Variants in SYT1 observed in about 807,000 individuals in gnomAD.
SYT1 encodes synaptotagmin 1, also known as synaptotagmin-1.
A neutral mutation model predicts 44.8 loss-of-function variants in SYT1; 8 were observed. The ratio of observed to expected loss-of-function variants is 0.18; its 90% CI spans 0.10 to 0.32. The LOEUF (loss-of-function observed/expected upper bound fraction) is 0.32. Among genes scored for constraint, SYT1 ranks in the 10% least tolerant of loss-of-function variants. SYT1 has a pLI of 1.00. For synonymous variants in SYT1, 154 were observed against 188.8 expected, an observed-to-expected ratio of 0.82 and a Z score of 1.51; for missense variants, 286 against 509.3, an observed-to-expected ratio of 0.56 and a Z score of 4.22.
intron 1 of SYT1, among the ~76,000 whole-genome samples, chr12:78,899,322 T>C (rs903945254): frequency 6.6e-6 from 1 of 151,882 alleles, no homozygotes; most frequent in Non-Finnish European, 1.5e-5. Flanking sequence ...AGTAAATAAG[T>C]ATGAAAATCT....
At chr12:79,448,878 A>C (rs1332177557) in intron 10 of SYT1, 40 bp from the exon 11 acceptor site, 45 of 1,592,278 alleles carry the variant, frequency 2.8e-5, no homozygotes, top group Admixed American at 5.0e-5. Context: ...CCTTATCTCT[A>C]GAGCTAGATG....
At chr12:79,274,903 C>T (rs1320324021) in intron 4 of SYT1, among the ~76,000 whole-genome samples, 1 of 152,222 alleles carries the variant, frequency 6.6e-6, no homozygotes, top group Non-Finnish European at 1.5e-5. Context: ...TAGAGAGATA[C>T]ATCACTTCCC....
At position 79,090,241 on chromosome 12, in the gene SYT1, A is replaced by G. The variant is rs1377947735; in HGVS notation, c.-18+42879A>G. Among the ~76,000 whole-genome samples the G allele has an allele frequency of 2.0e-5, 3 of 152,056 alleles. No individual in the cohort carries two copies. The Admixed American group carries it at 2.0e-4, about 10-fold the overall frequency. On this transcript the variant is annotated intron_variant, in intron 3 of 10. Coordinates refer to ENST00000261205, the MANE Select transcript of SYT1 (RefSeq NM_005639.3). ...AAAAAGTTTTTAAGATGTGGAGAATAGATCTCATTGTAAGTTGGTACAGCC... is the reference window on the plus strand; with the variant it reads ...AAAAAGTTTTTAAGATGTGGAGAATGGATCTCATTGTAAGTTGGTACAGCC...
At chr12:78,930,790 T>C (rs1460544795) in intron 1 of SYT1, among the ~76,000 whole-genome samples, 1 of 151,948 alleles carries the variant, frequency 6.6e-6, no homozygotes, top group Non-Finnish European at 1.5e-5. Context: ...AGCTAAGCTT[T>C]AGAGTAATAT....
intron 1 of SYT1, among the ~76,000 whole-genome samples, chr12:78,944,518 A>G (rs1441941069): frequency 3.3e-5 from 5 of 152,046 alleles, no homozygotes; most frequent in Non-Finnish European, 7.4e-5. Context: ...ATACAAAAAA[A>G]AACTCCTGGG....
chr12:78,908,626 T>G (rs1299195617), intron 1 of SYT1, among the ~76,000 whole-genome samples: 1 of 151,928 alleles, frequency 6.6e-6, no homozygotes, highest in Non-Finnish European at 1.5e-5. Flanking sequence ...AAATATGGTT[T>G]TCCCATGTTC....
At chr12:79,373,628 T>C (rs979643029) in intron 9 of SYT1, among the ~76,000 whole-genome samples, 1 of 152,228 alleles carries the variant, frequency 6.6e-6, no homozygotes, top group Non-Finnish European at 1.5e-5. Flanking sequence ...AAATGCACAA[T>C]ATTCATAATA....
At chr12:79,132,404 G>A (rs1447624970) in intron 3 of SYT1, among the ~76,000 whole-genome samples, 1 of 148,890 alleles carries the variant, frequency 6.7e-6, no homozygotes, top group East Asian at 2.0e-4. Flanking sequence ...AGCCAAGATC[G>A]CACCACTGCA....
intron 1 of SYT1, among the ~76,000 whole-genome samples, chr12:78,945,783 G>C (rs926588511): frequency 6.6e-6 from 1 of 151,998 alleles, no homozygotes; most frequent in African/African-American, 2.4e-5. Flanking sequence ...AATTGTGCCC[G>C]GTCCACCCTT....
At chr12:79,326,430 T>C (rs2138997149) in intron 8 of SYT1, among the ~76,000 whole-genome samples, 1 of 152,358 alleles carries the variant, frequency 6.6e-6, no homozygotes, top group African/African-American at 2.4e-5. Context: ...GATGCGGTCA[T>C]TAGAGCAGAG....
At chr12:79,243,583 G>A (rs1876641634) in intron 4 of SYT1, among the ~76,000 whole-genome samples, 1 of 152,140 alleles carries the variant, frequency 6.6e-6, no homozygotes, top group East Asian at 1.9e-4. Context: ...GCATCGTAAA[G>A]CATTCTTACC....
rs185902010 is a variant in SYT1 at position 79,019,968 on chromosome 12, C to T, written c.-83-27329C>T. ...CTTATCCAAAGAGCTAATGTAAAAA[C>T]CTCATTTTGAGAAACAAAAGTAGTG... On this transcript the variant is annotated intron_variant, in intron 2 of 10. Coordinates refer to ENST00000261205, the MANE Select transcript of SYT1 (RefSeq NM_005639.3). Among the ~76,000 whole-genome samples, 9 of 152,042 alleles carry T rather than the reference C, an allele frequency of 5.9e-5. 1 individual carries two copies. The East Asian group carries it at 1.4e-3, about 23-fold the overall frequency.
At chr12:79,014,760 A>C (rs1361144752) in intron 2 of SYT1, among the ~76,000 whole-genome samples, 1 of 152,228 alleles carries the variant, frequency 6.6e-6, no homozygotes, top group African/African-American at 2.4e-5. Flanking sequence ...ACACATGCAC[A>C]CGTATGTTTA....
At chr12:79,246,345 C>G (rs1370375236) in intron 4 of SYT1, among the ~76,000 whole-genome samples, 1 of 152,078 alleles carries the variant, frequency 6.6e-6, no homozygotes, top group African/African-American at 2.4e-5. Context: ...TTCATGATAC[C>G]CCTTTCATAA....
At chr12:79,419,772 A>C (rs752233401) in intron 9 of SYT1, among the ~76,000 whole-genome samples, 3 of 152,068 alleles carry the variant, frequency 2.0e-5, no homozygotes, top group Non-Finnish European at 4.4e-5. Flanking sequence ...TTCTCTCCTC[A>C]GAGGTAACTG....
chr12:79,356,332 C>T (rs1280339851), intron 9 of SYT1, among the ~76,000 whole-genome samples: 1 of 151,710 alleles, frequency 6.6e-6, no homozygotes, highest in Admixed American at 6.6e-5. Flanking sequence ...TTGTTTACAC[C>T]CCTCAAACAT....
At chr12:78,871,722 T>G (rs1286361841) in intron 1 of SYT1, among the ~76,000 whole-genome samples, 1 of 151,962 alleles carries the variant, frequency 6.6e-6, no homozygotes, top group Non-Finnish European at 1.5e-5. Context: ...AGCAAAGCAT[T>G]GAAATCTGTT....
chr12:79,358,915 T>C (rs1419103049), intron 9 of SYT1, among the ~76,000 whole-genome samples: 1 of 152,178 alleles, frequency 6.6e-6, no homozygotes, highest in East Asian at 1.9e-4. Context: ...AGCTCCAGGG[T>C]GCCCCCTTTC....
chr12:79,125,629 G>GAA (rs1220286252), intron 3 of SYT1, among the ~76,000 whole-genome samples: 1 of 112,920 alleles, frequency 8.9e-6, no homozygotes, highest in African/African-American at 3.4e-5. Context: ...AAAAAAAAAA[G>GAA]AAAAAAAGAA....
Sources: gnomAD v4.1 joint callset for allele counts (sites outside exome capture counted in the v4.1 genomes callset) on GRCh38, gnomAD v4.1.1 for gene constraint, MANE v1.5 for transcripts, NCBI Gene and HGNC (gene_info 2026-07-23, HGNC 2026-07-21) for gene names.